Variants in RUNX1T1 observed in about 807,000 individuals in gnomAD.
RUNX1T1 encodes the protein protein CBFA2T1.
Under a neutral mutation model 62.8 loss-of-function variants are expected in RUNX1T1, and 4 were observed. The observed-to-expected ratio is 0.06, with a 90% CI of 0.03 to 0.15. The LOEUF is 0.15. RUNX1T1 is among the 10% of genes least tolerant of loss of function. The probability of loss-of-function intolerance (pLI) is 1.00; values close to 1 mark genes in which losing one functional copy is unlikely to be tolerated. For synonymous variants in RUNX1T1, 291 were observed against 286.0 expected, an observed-to-expected ratio of 1.02 and a Z score of -0.18; for missense variants, 508 against 754.3, an observed-to-expected ratio of 0.67 and a Z score of 3.82.
At chr8:91,994,735 T>C (rs1422746870) in intron 5 of RUNX1T1, 1 of 398,688 alleles carries the variant, frequency 2.5e-6, no homozygotes, top group Non-Finnish European at 5.0e-6. Context: ...TTCTCAAGAT[T>C]TAAAGTGCCA....
chr8:91,957,035 G>A (rs1809495868), downstream of RUNX1T1: 1 of 217,118 alleles, frequency 4.6e-6, no homozygotes, highest in South Asian at 1.9e-4. Flanking sequence ...TCTCATGACA[G>A]AGAAAAAGAG....
chr8:91,966,037 A>C (rs1811527599), intron 10 of RUNX1T1, among the ~76,000 whole-genome samples: 1 of 151,600 alleles, frequency 6.6e-6, no homozygotes, highest in African/African-American at 2.4e-5. Context: ...GTGAGCAACC[A>C]AAGGTCAATC....
chr8:92,038,235 CT>C (rs754102104), intron 1 of RUNX1T1, among the ~76,000 whole-genome samples: 3 of 151,928 alleles, frequency 2.0e-5, no homozygotes, highest in Non-Finnish European at 4.4e-5. Context: ...CTTTTATATC[CT>C]TTTAATTGGA....
chr8:92,085,196 A>T lies in RUNX1T1; in HGVS notation c.-85-9059T>A, dbSNP rs377043374. Among the ~76,000 whole-genome samples the T allele has an allele frequency of 3.9e-5, 6 of 152,338 alleles. No homozygotes were observed. The East Asian group carries it at 7.7e-4, about 20-fold the overall frequency. Reference sequence around the variant, plus strand: ...ACTCGACTGCCTTCTGGCAGGGAAGAGCAGCATCACTTCCCTCTGGAAGGG... The same window carrying T: ...ACTCGACTGCCTTCTGGCAGGGAAGTGCAGCATCACTTCCCTCTGGAAGGG... On this transcript the variant is annotated intron_variant, in intron 1 of 11. Coordinates refer to the RUNX1T1 transcript ENST00000265814.
intron 1 of RUNX1T1, among the ~76,000 whole-genome samples, chr8:92,041,834 T>A (rs1419871999): frequency 2.0e-5 from 3 of 150,940 alleles, no homozygotes; most frequent in East Asian, 3.9e-4. Flanking sequence ...TTTTTTTTTT[T>A]AATTGAGATA....
upstream of RUNX1T1, among the ~76,000 whole-genome samples, chr8:92,066,475 C>A (rs1342590113): frequency 6.6e-6 from 1 of 152,188 alleles, no homozygotes; most frequent in African/African-American, 2.4e-5. Context: ...TGATTTTCCA[C>A]CCAGCTGGAA....
chr8:92,057,263 A>G (rs991340637), intron 1 of RUNX1T1, among the ~76,000 whole-genome samples: 3 of 152,204 alleles, frequency 2.0e-5, no homozygotes, highest in Admixed American at 1.3e-4. Context: ...TCTAGCCTTC[A>G]TTACAAAAGA....
exon 11 of RUNX1T1, chr8:91,959,683 G>A (rs916354147): frequency 2.2e-5 from 5 of 227,802 alleles, no homozygotes; most frequent in Admixed American, 1.1e-4. Context: ...GCACATCTGC[G>A]CGTTTTGTAG....
chr8:92,056,762 G>A (rs1162724733), intron 1 of RUNX1T1, among the ~76,000 whole-genome samples: 1 of 152,108 alleles, frequency 6.6e-6, no homozygotes, highest in African/African-American at 2.4e-5. Flanking sequence ...ACCAAAAAAC[G>A]TGCTTTTTTT....
chr8:92,002,125 A>C (rs1819877052), intron 5 of RUNX1T1, among the ~76,000 whole-genome samples: 1 of 152,188 alleles, frequency 6.6e-6, no homozygotes, highest in East Asian at 1.9e-4. Context: ...TTACATATTA[A>C]CAAAGAATAG....
intron 1 of RUNX1T1, among the ~76,000 whole-genome samples, chr8:92,083,610 A>T (rs925691402): frequency 2.0e-5 from 3 of 152,192 alleles, no homozygotes; most frequent in Non-Finnish European, 4.4e-5. Flanking sequence ...CAGATACTGG[A>T]GAGGATGTGG....
At chr8:91,971,636 A>G (rs2130634734) in intron 9 of RUNX1T1, among the ~76,000 whole-genome samples, 1 of 152,346 alleles carries the variant, frequency 6.6e-6, no homozygotes, top group Admixed American at 6.5e-5. Flanking sequence ...AGGTTTTAAA[A>G]AATAATCTCA....
intron 10 of RUNX1T1, among the ~76,000 whole-genome samples, chr8:91,961,017 T>G: frequency 6.6e-6 from 1 of 152,242 alleles, no homozygotes; most frequent in East Asian, 1.9e-4. Context: ...GGGATTCTAT[T>G]CCCTGCTCCT....
At chr8:91,986,346 T>C (rs774819364) in intron 7 of RUNX1T1, 21 bp from the exon 9 acceptor site, 4 of 1,555,330 alleles carry the variant, frequency 2.6e-6, no homozygotes, top group Admixed American at 1.7e-5. Context: ...AAGGGGAGAA[T>C]AGGGAAGAGC....
intron 1 of RUNX1T1, among the ~76,000 whole-genome samples, chr8:92,035,912 C>G (rs61074635): frequency 0.011 from 1,748 of 152,204 alleles, 20 homozygotes; most frequent in African/African-American, 0.04. Flanking sequence ...TGGCTAGTTA[C>G]AATTTGAATG....
exon 6 of RUNX1T1, chr8:91,991,763 C>T (rs1817721150): frequency 6.2e-7 from 1 of 1,613,940 alleles, no homozygotes; most frequent in African/African-American, 1.3e-5. Flanking sequence ...TAGGGTGAGG[C>T]AGGCCATTGG....
At chr8:92,075,754 A>G (rs1186885152) in intron 2 of RUNX1T1, among the ~76,000 whole-genome samples, 1 of 152,194 alleles carries the variant, frequency 6.6e-6, no homozygotes, top group Non-Finnish European at 1.5e-5. Flanking sequence ...ACCCAAAACT[A>G]TCAAACAGGG....
chr8:92,095,592 G>C, intron 1 of RUNX1T1: 1 of 1,421,816 alleles, frequency 7.0e-7, no homozygotes, highest in Non-Finnish European at 9.1e-7. Context: ...GTGTGAGACG[G>C]AGCGGGAGAG....
In RUNX1T1 at chr8:92,091,024, CCTGAGCACA is replaced by C. The variant is rs1334326367; in HGVS notation, c.-86+8547_-86+8555del. On this transcript the variant is annotated intron_variant, in intron 1 of 11. Transcript: ENST00000265814. Reference sequence around the variant, plus strand: ...CAACTAAGTAGCAGCCCTCAAGAGCCCTGAGCACACTTAGAAGTGGTCTGTGCCCCAGGT... The same window carrying C: ...CAACTAAGTAGCAGCCCTCAAGAGCCCTTAGAAGTGGTCTGTGCCCCAGGT... 7.2e-5 allele frequency among the ~76,000 whole-genome samples: 11 copies of C among 152,248 alleles called. No homozygotes were observed. In the South Asian group the frequency reaches 2.1e-3, roughly 29 times the overall value.
Sources: gnomAD v4.1 joint callset for allele counts (sites outside exome capture counted in the v4.1 genomes callset) on GRCh38, gnomAD v4.1.1 for gene constraint, MANE v1.5 for transcripts, NCBI Gene and HGNC (gene_info 2026-07-23, HGNC 2026-07-21) for gene names.